The following SLC17A3 variants were observed in gnomAD, a reference collection of about 807,000 sequenced individuals.
SLC17A3 encodes the protein sodium-dependent phosphate transport protein 4.
Under a neutral mutation model 60.3 loss-of-function variants are expected in SLC17A3, and 61 were observed. The observed-to-expected ratio is 1.01, with a 90% confidence interval of 0.82 to 1.25. The LOEUF (loss-of-function observed/expected upper bound fraction) is 1.25. SLC17A3 is among the 50% of genes most tolerant of loss of function. SLC17A3 has a pLI of 0.00. For synonymous variants in SLC17A3, 192 were observed against 208.9 expected, an observed-to-expected ratio of 0.92 and a Z score of 0.70; for missense variants, 624 against 594.9, an observed-to-expected ratio of 1.05 and a Z score of -0.51.
intron 5 of SLC17A3, among the ~76,000 whole-genome samples, chr6:25,859,482 C>T (rs755106387): frequency 8.5e-5 from 13 of 152,196 alleles, no homozygotes; most frequent in Non-Finnish European, 1.8e-4. Context: ...TTTAACAACA[C>T]AGCACTGCTG....
chr6:25,847,927 C>T (rs1765205932), intron 11 of SLC17A3, among the ~76,000 whole-genome samples: 1 of 152,096 alleles, frequency 6.6e-6, no homozygotes, highest in Non-Finnish European at 1.5e-5. Flanking sequence ...TCCTCAAAGT[C>T]CACTGTGTCA....
chr6:25,865,080 G>A (rs967313231), intron 2 of SLC17A3, among the ~76,000 whole-genome samples: 1 of 151,914 alleles, frequency 6.6e-6, no homozygotes, highest in Non-Finnish European at 1.5e-5. Context: ...TCACAATAAC[G>A]CTATGAAGCA....
chr6:25,849,832 T>A lies in SLC17A3; in HGVS notation c.1244A>T (p.Tyr415Phe), dbSNP rs1428458389. 1 of 1,613,950 alleles carries A rather than the reference T, an allele frequency of 6.2e-7. No homozygotes were observed. The highest frequency in any genetic ancestry group is 8.5e-7 in the Non-Finnish European group (1 of 1,179,826). Residue 415 changes from tyrosine (Y) to phenylalanine (F), a missense_variant, in exon 10 of 13, where the codon TAT becomes TTT. Physicochemically the swap from Tyr to Phe is conservative, Grantham distance 22. Coordinates refer to ENST00000397060, the MANE Select transcript of SLC17A3 (RefSeq NM_001098486.2). ...TGGAGCAATATCTAAGACATTGATA[T>A]AAATCCCTGACTGACACAATGTGCT... is the stretch of plus-strand genomic sequence containing the variant. ...GLSTLCQSGI[Y>F]INVLDIAPRY...
At chr6:25,860,276 T>G (rs1765425130) in intron 5 of SLC17A3, among the ~76,000 whole-genome samples, 1 of 150,198 alleles carries the variant, frequency 6.7e-6, no homozygotes, top group Non-Finnish European at 1.5e-5. Flanking sequence ...CTACAATAGG[T>G]GCACCTTTCT....
chr6:25,850,846 C>G lies in SLC17A3; in HGVS notation c.744G>C (p.Trp248Cys). 3.1e-6 allele frequency: 5 copies of G among 1,614,008 alleles called. No individual in the cohort carries two copies. The highest frequency in any genetic ancestry group is 4.2e-6 in the Non-Finnish European group (5 of 1,179,912). The change falls in exon 7 of 13, where the codon TGG becomes TGC. Residue 248 changes from tryptophan (W) to cysteine (C), a missense_variant. By Grantham distance (215) the Trp-to-Cys change is radical (BLOSUM62 -2). Transcript: ENST00000397060. ...CGGGGTCATCATAAATCACAACAAA[C>G]CAGAGAAGGCAGCAGACACAGCCAA... ...GGVGCVCCLL[W>C]FVVIYDDPVS...
At chr6:25,853,406 G>GTTTT (rs70977233) in intron 6 of SLC17A3, among the ~76,000 whole-genome samples, 2 of 58,728 alleles carry the variant, frequency 3.4e-5, no homozygotes, top group African/African-American at 7.0e-5. Context: ...ATTTCTGCAT[G>GTTTT]TTTTTTTTTT....
intron 6 of SLC17A3, among the ~76,000 whole-genome samples, 176 bp from the exon 7 acceptor site, chr6:25,851,053 G>T (rs954452106): frequency 6.6e-6 from 1 of 152,094 alleles, no homozygotes; most frequent in South Asian, 2.1e-4. Flanking sequence ...TGTGTGTGTG[G>T]AAATTACAGA....
intron 1 of SLC17A3, among the ~76,000 whole-genome samples, chr6:25,872,708 C>T (rs1765664583): frequency 6.6e-6 from 1 of 151,656 alleles, no homozygotes; most frequent in African/African-American, 2.4e-5. Context: ...AGCATGGGTA[C>T]TCTTGCTAAG....
At chr6:25,857,094 A>G (rs1399741318) in intron 5 of SLC17A3, among the ~76,000 whole-genome samples, 1 of 151,816 alleles carries the variant, frequency 6.6e-6, no homozygotes, top group Non-Finnish European at 1.5e-5. Flanking sequence ...GAATCTGAGG[A>G]AGGAGCATCA....
At position 25,849,853 on chromosome 6, in the gene SLC17A3, G is replaced by A. The variant is rs368370729; in HGVS notation, c.1223C>T (p.Thr408Ile). ...GATATAAATCCCTGACTGACACAAT[G>A]TGCTTAATCCGCAAGAGAGCGTCAG... The part of the protein sequence containing the change: ...ALLTLSCGLS[T>I]LCQSGIYINV... Residue 408 changes from threonine (T) to isoleucine (I), a missense_variant, in exon 10 of 13, where the codon ACA (threonine) becomes ATA (isoleucine). Thr to Ile is a moderately conservative substitution (Grantham distance 89, BLOSUM62 -1). Transcript: ENST00000397060. 107 of 1,614,018 alleles carry A rather than the reference G, an allele frequency of 6.6e-5. No individual in the cohort carries two copies. The highest frequency in any genetic ancestry group is 8.1e-5 in the Non-Finnish European group (96 of 1,179,856).
At chr6:25,851,500 T>C (rs1033046482) in intron 6 of SLC17A3, among the ~76,000 whole-genome samples, 1 of 152,136 alleles carries the variant, frequency 6.6e-6, no homozygotes, top group Non-Finnish European at 1.5e-5. Flanking sequence ...AACGCCTATG[T>C]TTTCTTCTAG....
intron 5 of SLC17A3, among the ~76,000 whole-genome samples, chr6:25,859,386 C>A (rs1397290675): frequency 5.3e-5 from 8 of 152,128 alleles, no homozygotes; most frequent in African/African-American, 1.9e-4. Flanking sequence ...TTGACTGAAT[C>A]TTGAAATCAG....
chr6:25,849,496 C>T (rs778311215), intron 10 of SLC17A3, 32 bp from the exon 11 acceptor site: 2 of 1,376,982 alleles, frequency 1.5e-6, no homozygotes, highest in African/African-American at 1.4e-5. Flanking sequence ...CGGTCTAGAT[C>T]CAGAGATGTT....
rs545508601 is a variant in SLC17A3, at chr6:25,855,690, G to A, written c.626-460C>T. ...GTCATCCTCTTGGTAAATGCATTAC[G>A]TAATATGTAGACAGAAAGCTAGATT... On this transcript the variant is annotated intron_variant, in intron 5 of 12. Transcript: ENST00000397060. Among the ~76,000 whole-genome samples the A allele has an allele frequency of 5.5e-4, 84 of 152,202 alleles. 1 individual carries two copies. Among genetic ancestry groups the A allele is most frequent in the South Asian group, 8.3e-4 (4 of 4,816 alleles).
At position 25,845,276 on chromosome 6, in the gene SLC17A3, CTT is replaced by C. The variant is rs1765153030; in HGVS notation, c.*23_*24del. The C allele has an allele frequency of 7.1e-7, 1 of 1,400,352 alleles. No homozygotes were observed. Among genetic ancestry groups the C allele is most frequent in the Non-Finnish European group, 1.0e-6 (1 of 993,740 alleles). The allele number at this position is 1,400,352 out of a possible 1,614,324, so 86.7% of individuals were successfully genotyped here. On this transcript the variant is annotated 3_prime_UTR_variant, in exon 13 of 13. Transcript: ENST00000397060. ...TTTTATGCAATACGGTGCCTAATGA[CTT>C]TTCCATCCAAGGTGGGATAACTAAG... is the stretch of plus-strand genomic sequence containing the variant.
intron 1 of SLC17A3, 23 bp downstream of exon 1, chr6:25,874,144 C>T (rs1489438848): frequency 1.3e-5 from 2 of 152,094 alleles, no homozygotes; most frequent in Non-Finnish European, 1.5e-5. Flanking sequence ...GTCTTCATCT[C>T]AATACCAAGA....
At chr6:25,864,387 G>A (rs1765502081) in intron 2 of SLC17A3, among the ~76,000 whole-genome samples, 1 of 151,940 alleles carries the variant, frequency 6.6e-6, no homozygotes, top group South Asian at 2.1e-4. Context: ...CAAAACGATA[G>A]GGAGGAAGTA....
At chr6:25,855,921 G>T (rs1433626761) in intron 5 of SLC17A3, among the ~76,000 whole-genome samples, 1 of 152,096 alleles carries the variant, frequency 6.6e-6, no homozygotes, top group East Asian at 1.9e-4. Context: ...GGATCATAAT[G>T]TTTCTATTGT....
At chr6:25,866,132 GCAAAGGTGATGGGA>G (rs1765531665) in intron 2 of SLC17A3, among the ~76,000 whole-genome samples, 1 of 151,902 alleles carries the variant, frequency 6.6e-6, no homozygotes, top group Admixed American at 6.6e-5. Flanking sequence ...ACAGAATACG[GCAAAGGTGATGGGA>G]CGTCACCCCC....
Sources: gnomAD v4.1 joint callset for allele counts (sites outside exome capture counted in the v4.1 genomes callset) on GRCh38, gnomAD v4.1.1 for gene constraint, MANE v1.5 for transcripts, NCBI Gene and HGNC (gene_info 2026-07-23, HGNC 2026-07-21) for gene names.